The following ALDH18A1 variants were observed in gnomAD, a reference collection of about 807,000 sequenced individuals.
The protein encoded by ALDH18A1 is aldehyde dehydrogenase 18 family member A1.
Under a neutral mutation model 88.8 loss-of-function variants are expected in ALDH18A1, and 44 were observed. The observed-to-expected ratio is 0.50, with a 90% CI of 0.39 to 0.64. The LOEUF (loss-of-function observed/expected upper bound fraction) is 0.64, where lower values mean the gene tolerates loss of function less well. ALDH18A1 is among the 30% of genes least tolerant of loss of function. The probability of loss-of-function intolerance (pLI) is 0.00; values close to 1 mark genes in which losing one functional copy is unlikely to be tolerated. For synonymous variants in ALDH18A1, 331 were observed against 372.1 expected (o/e 0.89, Z 1.27); for missense variants, 782 against 1,009.5 (o/e 0.77, Z 3.05).
At chr10:95,648,299 T>G (rs2097904482) in intron 2 of ALDH18A1, among the ~76,000 whole-genome samples, 1 of 150,344 alleles carries the variant, frequency 6.7e-6, no homozygotes, top group Non-Finnish European at 1.5e-5. Context: ...AAAAATAGTT[T>G]GAGCTTTTCC....
rs2097822969 is a variant in ALDH18A1 at position 95,606,519 on chromosome 10, C to T, written c.*243G>A. The T allele has an allele frequency of 2.2e-6, 3 of 1,365,412 alleles. No homozygotes were observed. The highest frequency in any genetic ancestry group is 1.6e-5 in the South Asian group (1 of 64,498). 84.6% of individuals were successfully genotyped at this position (1,365,412 alleles called of 1,614,324 possible). Reference sequence around the variant, plus strand: ...CTTTCAATCCTAGAAGATAATTGGACTTGGCAAAGTCCCTATCGGTAGCAA... The same window carrying T: ...CTTTCAATCCTAGAAGATAATTGGATTTGGCAAAGTCCCTATCGGTAGCAA... On this transcript the variant is annotated 3_prime_UTR_variant, in exon 18 of 18. Transcript: ENST00000371224.
chr10:95,615,014 G>A (rs2097841834), intron 13 of ALDH18A1, among the ~76,000 whole-genome samples: 1 of 152,178 alleles, frequency 6.6e-6, no homozygotes, highest in Non-Finnish European at 1.5e-5. Flanking sequence ...TGTTTTGTTT[G>A]ATCTCATTTA....
At chr10:95,636,993 G>C (rs913748407) in intron 5 of ALDH18A1, 100 bp downstream of exon 5, 6 of 1,101,020 alleles carry the variant, frequency 5.4e-6, no homozygotes, top group Non-Finnish European at 8.1e-6. Context: ...AGCAAGTGAT[G>C]AAGCTGACAC....
Position 95,625,277 on chromosome 10 carries a change from C to G in ALDH18A1, c.1246+85G>C, listed in dbSNP as rs2097858688. 3 of 1,063,832 alleles carry G rather than the reference C, an allele frequency of 2.8e-6. No homozygotes were observed. In the African/African-American group the frequency reaches 4.7e-5, roughly 17 times the overall value. 65.9% of individuals were successfully genotyped at this position (1,063,832 alleles called of 1,614,324 possible). A position where few individuals can be genotyped will look rare whatever the true frequency, so the allele number is the denominator to read the frequency against. The stretch of plus-strand genomic sequence containing the variant: ...TTTTATAAAAATCCTTATCTTTAGG[C>G]AGACATAAGAATTATTAGTAAAACT... On this transcript the variant is annotated intron_variant, in intron 11 of 17. Transcript: ENST00000371224.
At chr10:95,649,351 ATTTTTTTT>A (rs376825293) in intron 2 of ALDH18A1, among the ~76,000 whole-genome samples, 7 of 131,090 alleles carry the variant, frequency 5.3e-5, no homozygotes, top group African/African-American at 1.7e-4. Context: ...ATTTTTACAG[ATTTTTTTT>A]TTTTTTTTTT....
chr10:95,631,611 C>A (rs1234601294), intron 7 of ALDH18A1, among the ~76,000 whole-genome samples: 2 of 151,870 alleles, frequency 1.3e-5, no homozygotes, highest in African/African-American at 4.8e-5. Flanking sequence ...GGTGTGGTGG[C>A]AGGTGCCTAT....
chr10:95,639,061 G>A (rs2139628819), intron 3 of ALDH18A1, among the ~76,000 whole-genome samples: 1 of 152,088 alleles, frequency 6.6e-6, no homozygotes, highest in Middle Eastern at 3.4e-3. Context: ...GCCTGGCCCC[G>A]ACAATAATAT....
chr10:95,617,173 G>T (rs914811415), intron 12 of ALDH18A1, among the ~76,000 whole-genome samples: 2 of 152,222 alleles, frequency 1.3e-5, no homozygotes, highest in African/African-American at 4.8e-5. Flanking sequence ...CTTGAGCCTG[G>T]GAGGCGGAGG....
rs368915889 is a variant in ALDH18A1, at chr10:95,653,383, G to A, written c.-6C>T. The A allele has an allele frequency of 8.7e-6, 14 of 1,613,260 alleles. No individual in the cohort carries two copies. Among genetic ancestry groups the A allele is most frequent in the Middle Eastern group, 3.3e-4 (2 of 6,062 alleles). On this transcript the variant is annotated 5_prime_UTR_variant, in exon 2 of 18. Transcript: ENST00000371224. ...CGGTAAACTTGACTCAACATGCTGC[G>A]ATGTGGTCACTAACCAAAGTATCTG...
At position 95,610,226 on chromosome 10, in the gene ALDH18A1, C is replaced by T. The variant is rs773714478; in HGVS notation, c.2177G>A (p.Arg726His). The T allele has an allele frequency of 2.0e-5, 33 of 1,613,908 alleles. No individual in the cohort carries two copies. The highest frequency in any genetic ancestry group is 2.5e-5 in the Non-Finnish European group (29 of 1,179,940). Residue 726 changes from arginine to histidine, a missense_variant, in exon 17 of 18, where the codon CGC (arginine) becomes CAC (histidine). Transcript: ENST00000371224. ...SACVFWNAST[R>H]FSDGYRFGLG... ...TCCAAAGCGGTAACCATCAGAAAAG[C>T]GAGTGCTGGCATTCCAGAACACACA... is the stretch of plus-strand genomic sequence containing the variant.
chr10:95,654,792 T>A lies in ALDH18A1; in HGVS notation c.-28-1387A>T, dbSNP rs567335531. On this transcript the variant is annotated intron_variant, in intron 1 of 17. Transcript: ENST00000371224. ...ATGATTTTAGCACGTGATCTAAGTT[T>A]GCTGCTTATATAAATTCCTTCAATA... Among the ~76,000 whole-genome samples, 17 of 151,848 alleles carry A rather than the reference T, an allele frequency of 1.1e-4. No individual in the cohort carries two copies. The South Asian group carries it at 3.1e-3, about 28-fold the overall frequency.
intron 17 of ALDH18A1, among the ~76,000 whole-genome samples, chr10:95,609,449 G>A (rs1293294884): frequency 1.3e-5 from 2 of 152,186 alleles, no homozygotes; most frequent in Non-Finnish European, 1.5e-5. Context: ...GACGAAATAA[G>A]TCTGTAAAAG....
chr10:95,621,995 T>C (rs954974653), intron 11 of ALDH18A1, among the ~76,000 whole-genome samples: 1 of 152,194 alleles, frequency 6.6e-6, no homozygotes, highest in African/African-American at 2.4e-5. Context: ...ATGTATGATA[T>C]GATCTTATTT....
At chr10:95,615,547 C>T (rs1051332331) in intron 13 of ALDH18A1, among the ~76,000 whole-genome samples, 21 of 152,102 alleles carry the variant, frequency 1.4e-4, no homozygotes, top group Middle Eastern at 6.8e-3. Flanking sequence ...CTTTACTGTA[C>T]GTATGTTACA....
At chr10:95,617,940 C>T (rs1589495459) in intron 12 of ALDH18A1, among the ~76,000 whole-genome samples, 1 of 152,166 alleles carries the variant, frequency 6.6e-6, no homozygotes, top group Non-Finnish European at 1.5e-5. Flanking sequence ...CAGCATCAGC[C>T]AGGGACTGAG....
intron 2 of ALDH18A1, among the ~76,000 whole-genome samples, chr10:95,650,488 T>G (rs1484107557): frequency 2.0e-5 from 3 of 152,200 alleles, no homozygotes. Flanking sequence ...GGTGCCAGTC[T>G]CAGAGGGAAT....
chr10:95,627,366 A>C lies in ALDH18A1; in HGVS notation c.1078+76T>G. 1.9e-6 allele frequency: 3 copies of C among 1,567,470 alleles called. No homozygotes were observed. In the South Asian group the frequency reaches 3.4e-5, roughly 18 times the overall value. On this transcript the variant is annotated intron_variant, in intron 9 of 17. Coordinates refer to ENST00000371224, the MANE Select transcript of ALDH18A1 (RefSeq NM_002860.4). ...CATATTTCATAATATTAGCATATCA[A>C]TTTTGTGATCTCTAACTAAGCCAGG...
At chr10:95,641,912 G>A (rs1422903838) in intron 3 of ALDH18A1, among the ~76,000 whole-genome samples, 1 of 152,126 alleles carries the variant, frequency 6.6e-6, no homozygotes, top group Non-Finnish European at 1.5e-5. Context: ...AAAGCGCTGG[G>A]ATTACAGGCG....
chr10:95,615,936 G>A (rs1457537015), intron 13 of ALDH18A1, among the ~76,000 whole-genome samples: 1 of 152,268 alleles, frequency 6.6e-6, no homozygotes, highest in African/African-American at 2.4e-5. Context: ...GATCAAATGA[G>A]TTAACGGATA....
Sources: allele counts gnomAD v4.1 joint callset (sites outside exome capture counted in the v4.1 genomes callset), GRCh38; gene constraint gnomAD v4.1.1; transcripts MANE v1.5; gene names NCBI Gene and HGNC (gene_info 2026-07-23, HGNC 2026-07-21).